WAPL: variants seen among roughly 807,000 people sequenced by gnomAD.
WAPL encodes WAPL cohesin release factor.
Under a neutral mutation model 121.0 loss-of-function variants are expected in WAPL, and 5 were observed. The observed-to-expected ratio is 0.04, with a 90% CI of 0.02 to 0.09. The LOEUF (loss-of-function observed/expected upper bound fraction) is 0.09, where lower values mean the gene tolerates loss of function less well. Among genes scored for constraint, WAPL ranks in the 10% least tolerant of loss-of-function variants. The pLI is 1.00. For missense variants in WAPL, 999 were observed against 1,410.8 expected, an observed-to-expected ratio of 0.71 and a Z score of 4.68; for synonymous variants, 480 against 481.5, an observed-to-expected ratio of 1.00 and a Z score of 0.04.
At chr10:86,506,287 G>A (rs1252503258) in intron 2 of WAPL, among the ~76,000 whole-genome samples, 1 of 152,106 alleles carries the variant, frequency 6.6e-6, no homozygotes, top group Non-Finnish European at 1.5e-5. Context: ...TGAGGAAGGA[G>A]GAAGTGATGC....
chr10:86,451,691 C>A (rs985713661), intron 15 of WAPL, among the ~76,000 whole-genome samples: 16 of 152,156 alleles, frequency 1.1e-4, no homozygotes, highest in African/African-American at 2.7e-4. Flanking sequence ...CTGCGCCCAG[C>A]CTATACCACA....
rs199525152 is a variant in WAPL, at chr10:86,500,035, T to G, written c.1208A>C (p.Asp403Ala). The G allele has an allele frequency of 5.8e-5, 94 of 1,614,032 alleles. No individual in the cohort carries two copies. Among genetic ancestry groups the G allele is most frequent in the Non-Finnish European group, 7.8e-5 (92 of 1,180,040 alleles). ...GEAGRLRKKA[D>A]IATSKTTTRF... Reference sequence around the variant, plus strand: ...AGTAGTAGTCTTAGAAGTTGCAATATCTGCCTTTTTTCTGAGACGACCAGC... The same window carrying G: ...AGTAGTAGTCTTAGAAGTTGCAATAGCTGCCTTTTTTCTGAGACGACCAGC... Residue 403 changes from aspartate (D) to alanine (A), a missense_variant, in exon 3 of 19, where the codon GAT (aspartate) becomes GCT (alanine). Physicochemically the swap from Asp to Ala is moderately radical, Grantham distance 126. This residue lies in a region of WAPL where 531 missense variants were observed against 563.1 expected (regional missense o/e 0.94). Transcript: ENST00000298767.
intron 2 of WAPL, among the ~76,000 whole-genome samples, chr10:86,509,331 T>C (rs545657145): frequency 1.3e-3 from 195 of 152,286 alleles, no homozygotes; most frequent in Non-Finnish European, 2.2e-3. Flanking sequence ...TCACATTACA[T>C]AGCTGGGAAT....
chr10:86,473,788 T>C (rs867122165), intron 5 of WAPL, 90 bp downstream of exon 5: 9 of 1,058,282 alleles, frequency 8.5e-6, no homozygotes, highest in Middle Eastern at 2.2e-4. Flanking sequence ...AATAGAAAAG[T>C]CAAAGATTTA....
chr10:86,455,135 G>A lies in WAPL; in HGVS notation c.2658-1304C>T, dbSNP rs535193170. ...GGGGGTGCCTCTGCCCGGCCACCCCGTCTGGGAAGTGAGGAGCCCCTCTGC... is the reference window on the plus strand; with the variant it reads ...GGGGGTGCCTCTGCCCGGCCACCCCATCTGGGAAGTGAGGAGCCCCTCTGC... On this transcript the variant is annotated intron_variant, in intron 12 of 18. Transcript: ENST00000298767. Among the ~76,000 whole-genome samples, 119 of 150,530 alleles carry A rather than the reference G, an allele frequency of 7.9e-4. No individual in the cohort carries two copies. The East Asian group carries it at 0.011, about 14-fold the overall frequency.
intron 15 of WAPL, 100 bp downstream of exon 15, chr10:86,451,867 G>A: frequency 7.4e-7 from 1 of 1,352,796 alleles, no homozygotes; most frequent in Non-Finnish European, 1.0e-6. Flanking sequence ...GGCCAGCAGT[G>A]GATGGGCAAG....
chr10:86,508,988 C>T (rs1341317885), intron 2 of WAPL, among the ~76,000 whole-genome samples: 1 of 152,112 alleles, frequency 6.6e-6, no homozygotes, highest in South Asian at 2.1e-4. Context: ...CGTGATCCGC[C>T]CGCCTCTGCC....
At chr10:86,470,140 C>A (rs966686734) in intron 8 of WAPL, among the ~76,000 whole-genome samples, 2 of 151,948 alleles carry the variant, frequency 1.3e-5, no homozygotes, top group African/African-American at 4.8e-5. Context: ...TCAAGCAATT[C>A]TCCTGCCTCA....
intron 4 of WAPL, among the ~76,000 whole-genome samples, chr10:86,474,395 A>G (rs1381952345): frequency 6.6e-6 from 1 of 152,004 alleles, no homozygotes; most frequent in Non-Finnish European, 1.5e-5. Context: ...GGCATCTGTA[A>G]TCCCAGCTAT....
chr10:86,452,170 G>C (rs772921699), intron 14 of WAPL, 39 bp from the exon 15 acceptor site: 1 of 1,585,344 alleles, frequency 6.3e-7, no homozygotes, highest in African/African-American at 1.4e-5. Flanking sequence ...TCAGAGATGA[G>C]TACTTAAAAC....
At chr10:86,483,661 T>A (rs559868345) in intron 4 of WAPL, among the ~76,000 whole-genome samples, 1 of 151,582 alleles carries the variant, frequency 6.6e-6, no homozygotes, top group Non-Finnish European at 1.5e-5. Context: ...CCACGTATGT[T>A]AGTGCCCTTG....
At chr10:86,493,754 G>A (rs1842094871) in intron 4 of WAPL, among the ~76,000 whole-genome samples, 1 of 151,728 alleles carries the variant, frequency 6.6e-6, no homozygotes, top group Non-Finnish European at 1.5e-5. Flanking sequence ...GTAATCGCTG[G>A]ACTTTGGGAG....
At chr10:86,467,158 G>A in intron 9 of WAPL, 121 bp downstream of exon 9, 3 of 846,872 alleles carry the variant, frequency 3.5e-6, no homozygotes, top group East Asian at 5.2e-5. Flanking sequence ...TAAGAAATTT[G>A]CCAAACTGTA....
intron 3 of WAPL, among the ~76,000 whole-genome samples, chr10:86,498,242 A>C (rs561870521): frequency 2.6e-5 from 4 of 152,198 alleles, no homozygotes; most frequent in Non-Finnish European, 1.5e-5. Context: ...CAGCAGGACA[A>C]GGGCGCTGGT....
At chr10:86,494,656 A>G (rs1157967304) in intron 4 of WAPL, among the ~76,000 whole-genome samples, 3 of 152,238 alleles carry the variant, frequency 2.0e-5, no homozygotes, top group Non-Finnish European at 2.9e-5. Context: ...AAAGATTTGC[A>G]TAATTCATCG....
At chr10:86,474,116 C>A in intron 4 of WAPL, 143 bp from the exon 5 acceptor site, 1 of 654,632 alleles carries the variant, frequency 1.5e-6, no homozygotes. Flanking sequence ...ACCATAATTC[C>A]CATTCTCATG....
At chr10:86,462,157 A>G (rs1841292331) in intron 9 of WAPL, among the ~76,000 whole-genome samples, 1 of 152,218 alleles carries the variant, frequency 6.6e-6, no homozygotes. Flanking sequence ...ACTTCCCAAC[A>G]AAGAGCAATT....
chr10:86,458,279 G>C (rs1025130457), intron 12 of WAPL, among the ~76,000 whole-genome samples: 1 of 152,254 alleles, frequency 6.6e-6, no homozygotes, highest in Admixed American at 6.5e-5. Context: ...AGAGATATCA[G>C]GAAGAGGTTG....
At chr10:86,449,041 T>C (rs915756066) in intron 15 of WAPL, among the ~76,000 whole-genome samples, 2 of 146,686 alleles carry the variant, frequency 1.4e-5, no homozygotes. Flanking sequence ...GGATCTGACT[T>C]TTTTTCCCCC....
Sources: allele counts gnomAD v4.1 joint callset (sites outside exome capture counted in the v4.1 genomes callset), GRCh38; gene constraint gnomAD v4.1.1; regional missense constraint gnomAD v4.1.1; transcripts MANE v1.5; gene names NCBI Gene and HGNC (gene_info 2026-07-23, HGNC 2026-07-21).